Variants in STK33 observed in about 807,000 individuals in gnomAD.
The protein encoded by STK33 is serine/threonine-protein kinase 33.
A neutral mutation model predicts 58.0 loss-of-function variants in STK33; 52 were observed. The ratio of observed to expected loss-of-function variants is 0.90; its 90% CI spans 0.72 to 1.13. The LOEUF (loss-of-function observed/expected upper bound fraction) is 1.13. Ranked by LOEUF, STK33 falls within the 50% of genes most tolerant of loss-of-function variation. The pLI is 0.00. For synonymous variants in STK33, 215 were observed against 200.1 expected (o/e 1.07, Z -0.63); for missense variants, 630 against 604.2 (o/e 1.04, Z -0.45).
intron 7 of STK33, among the ~76,000 whole-genome samples, chr11:8,463,448 T>G (rs1200169050): frequency 6.6e-6 from 1 of 152,158 alleles, no homozygotes; most frequent in East Asian, 1.9e-4. Context: ...CGCCTGCTGC[T>G]CATCTCCTGG....
At chr11:8,473,992 G>C (rs891539515) in intron 5 of STK33, among the ~76,000 whole-genome samples, 2 of 152,050 alleles carry the variant, frequency 1.3e-5, no homozygotes, top group Non-Finnish European at 2.9e-5. Flanking sequence ...GACCAACATG[G>C]AGAAACCCCC....
chr11:8,365,714 G>C, the STK33 span, among the ~76,000 whole-genome samples: 1 of 152,074 alleles, frequency 6.6e-6, no homozygotes, highest in African/African-American at 2.4e-5. Flanking sequence ...CTCCTGAGAG[G>C]ACAGGTAGGA....
rs1247702055 is a variant in STK33, at chr11:8,540,997, T to C, written c.-466+53086A>G. Among the ~76,000 whole-genome samples the C allele has an allele frequency of 4.1e-5, 4 of 98,584 alleles. No individual in the cohort carries two copies. The East Asian group carries it at 9.5e-4, about 23-fold the overall frequency. 64.7% of individuals were successfully genotyped at this position (98,584 alleles called of 152,430 possible). Reference sequence around the variant, plus strand: ...CTCTCTCTCTCTCTCTCTCTCTCTATATATATATATATATATCTCATAACA... The same window carrying C: ...CTCTCTCTCTCTCTCTCTCTCTCTACATATATATATATATATCTCATAACA... On this transcript the variant is annotated intron_variant, in intron 1 of 15. Transcript: ENST00000687296.
intron 1 of STK33, among the ~76,000 whole-genome samples, chr11:8,555,629 C>T (rs747092749): frequency 1.3e-5 from 2 of 151,818 alleles, no homozygotes; most frequent in African/African-American, 4.8e-5. Flanking sequence ...TGAGCCATTG[C>T]ACTCCAGCCT....
intron 1 of STK33, among the ~76,000 whole-genome samples, chr11:8,589,457 G>A (rs897308417): frequency 5.9e-5 from 9 of 152,126 alleles, no homozygotes; most frequent in African/African-American, 2.2e-4. Context: ...TCCATAACAG[G>A]CAAATCTACA....
intron 1 of STK33, among the ~76,000 whole-genome samples, chr11:8,518,991 C>T (rs1221756203): frequency 6.6e-6 from 1 of 152,148 alleles, no homozygotes; most frequent in African/African-American, 2.4e-5. Flanking sequence ...CCAAGCGGAC[C>T]TAATAGACAT....
At chr11:8,469,741 T>C (rs758653313) in intron 6 of STK33, among the ~76,000 whole-genome samples, 9 of 152,248 alleles carry the variant, frequency 5.9e-5, no homozygotes, top group Admixed American at 2.0e-4. Context: ...CTTTGATCCA[T>C]GGGCTACAGA....
chr11:8,529,997 G>A (rs1332705190), intron 1 of STK33, among the ~76,000 whole-genome samples: 1 of 152,164 alleles, frequency 6.6e-6, no homozygotes, highest in Non-Finnish European at 1.5e-5. Context: ...GTTTTTAAAT[G>A]AACATGCTGG....
At chr11:8,557,221 A>T in intron 1 of STK33, among the ~76,000 whole-genome samples, 1 of 106,062 alleles carries the variant, frequency 9.4e-6, no homozygotes, top group Admixed American at 1.1e-4. Context: ...ACTGCACTCC[A>T]CCGTAGGCAA....
chr11:8,490,197 A>C (rs1265864162), intron 1 of STK33, among the ~76,000 whole-genome samples: 1 of 152,150 alleles, frequency 6.6e-6, no homozygotes, highest in African/African-American at 2.4e-5. Flanking sequence ...ACCTGGAAAA[A>C]CAGGACACTC....
intron 11 of STK33, among the ~76,000 whole-genome samples, chr11:8,447,974 G>A (rs1945729552): frequency 6.6e-6 from 1 of 152,124 alleles, no homozygotes; most frequent in Non-Finnish European, 1.5e-5. Flanking sequence ...AAAATCACAA[G>A]CATTCTTATA....
intron 1 of STK33, among the ~76,000 whole-genome samples, chr11:8,548,095 G>C (rs1300155358): frequency 6.6e-6 from 1 of 151,420 alleles, no homozygotes; most frequent in Non-Finnish European, 1.5e-5. Flanking sequence ...ACACCAACAT[G>C]GCACGTGTAT....
chr11:8,523,321 A>G (rs1371454336), intron 1 of STK33, among the ~76,000 whole-genome samples: 1 of 147,230 alleles, frequency 6.8e-6, no homozygotes, highest in Non-Finnish European at 1.5e-5. Context: ...GCCTCTTCCC[A>G]GCCGCCATCC....
rs570083579 is a variant in STK33, at chr11:8,534,357, A to G, written c.-465-53743T>C. On this transcript the variant is annotated intron_variant, in intron 1 of 15. Transcript: ENST00000687296. ...TCATCAGAGTCCCAAAACAGTCCACAGCCTAACCCACTCTACTCCCCAAAA... is the reference window on the plus strand; with the variant it reads ...TCATCAGAGTCCCAAAACAGTCCACGGCCTAACCCACTCTACTCCCCAAAA... Among the ~76,000 whole-genome samples the G allele has an allele frequency of 2.5e-3, 385 of 152,234 alleles. 1 individual carries two copies. The highest frequency in any genetic ancestry group is 2.5e-3 in the Non-Finnish European group (170 of 68,012).
intron 1 of STK33, among the ~76,000 whole-genome samples, chr11:8,531,999 AT>A (rs1340091546): frequency 6.6e-6 from 1 of 152,232 alleles, no homozygotes; most frequent in Non-Finnish European, 1.5e-5. Context: ...AAATAAATGC[AT>A]CAGGCAGTTT....
chr11:8,534,566 C>CTATG (rs1248207752), intron 1 of STK33, among the ~76,000 whole-genome samples: 3 of 106,398 alleles, frequency 2.8e-5, no homozygotes, highest in African/African-American at 1.2e-4. Context: ...CTCTCTCTCT[C>CTATG]TCTGTGTGTG....
chr11:8,458,109 C>T (rs912958201), intron 8 of STK33, among the ~76,000 whole-genome samples: 1 of 151,968 alleles, frequency 6.6e-6, no homozygotes, highest in Admixed American at 6.6e-5. Flanking sequence ...GCGGGGTGCA[C>T]GTGTATGATA....
At chr11:8,537,226 G>A (rs570324088) in intron 1 of STK33, among the ~76,000 whole-genome samples, 6 of 151,378 alleles carry the variant, frequency 4.0e-5, no homozygotes, top group South Asian at 2.1e-4. Flanking sequence ...GTGATCCGCC[G>A]ACCTCAGCCT....
At chr11:8,354,889 C>T in the STK33 span, among the ~76,000 whole-genome samples, 2 of 152,198 alleles carry the variant, frequency 1.3e-5, no homozygotes, top group Non-Finnish European at 2.9e-5. Context: ...AATTGGAAGC[C>T]CAGCCTGGCA....
Sources: allele counts gnomAD v4.1 joint callset (sites outside exome capture counted in the v4.1 genomes callset), GRCh38; gene constraint gnomAD v4.1.1; transcripts MANE v1.5; gene names NCBI Gene and HGNC (gene_info 2026-07-23, HGNC 2026-07-21).